The following NEBL variants were observed in gnomAD, a reference collection of about 807,000 sequenced individuals.
The protein encoded by NEBL is LIM and SH3 protein 2.
NEBL carries 122 observed loss-of-function variants against 140.2 expected under a neutral mutation model. The ratio of observed to expected loss-of-function variants is 0.87; its 90% CI spans 0.75 to 1.01. The LOEUF (loss-of-function observed/expected upper bound fraction) is 1.01. Ranked by LOEUF, NEBL falls within the 50% of genes least tolerant of loss-of-function variation. The probability of loss-of-function intolerance (pLI) is 0.00; values close to 1 mark genes in which losing one functional copy is unlikely to be tolerated. For synonymous variants in NEBL, 436 were observed against 398.9 expected (o/e 1.09, Z -1.11); for missense variants, 1,365 against 1,231.3 (o/e 1.11, Z -1.62).
chr10:20,903,465 T>C (rs1302326614), intron 4 of NEBL, among the ~76,000 whole-genome samples: 1 of 152,148 alleles, frequency 6.6e-6, no homozygotes, highest in East Asian at 1.9e-4. Flanking sequence ...GAAGCTTTTT[T>C]AAAGAACTAA....
chr10:21,028,944 C>A, intron 2 of NEBL: 1 of 525,830 alleles, frequency 1.9e-6, no homozygotes, highest in Non-Finnish European at 3.4e-6. Flanking sequence ...AATAGCTATA[C>A]TAATATGAGA....
At chr10:20,788,998 T>C (rs1331187997) in intron 26 of NEBL, among the ~76,000 whole-genome samples, 1 of 152,128 alleles carries the variant, frequency 6.6e-6, no homozygotes, top group Non-Finnish European at 1.5e-5. Flanking sequence ...TCACAAATGG[T>C]AACAATAATT....
At chr10:21,039,922 A>G (rs1184955444) in intron 2 of NEBL, among the ~76,000 whole-genome samples, 2 of 152,228 alleles carry the variant, frequency 1.3e-5, no homozygotes, top group African/African-American at 4.8e-5. Context: ...GAAGAATGGG[A>G]GGATGCAGTA....
chr10:21,068,405 C>G (rs1304103283), intron 2 of NEBL, among the ~76,000 whole-genome samples: 1 of 152,182 alleles, frequency 6.6e-6, no homozygotes, highest in South Asian at 2.1e-4. Context: ...TTTGTACTCT[C>G]CTGGCTACAG....
chr10:21,249,954 C>T (rs1842566305), intron 2 of NEBL, among the ~76,000 whole-genome samples: 1 of 151,960 alleles, frequency 6.6e-6, no homozygotes, highest in Admixed American at 6.6e-5. Context: ...ATCCCAGCTA[C>T]TTGGGAGGCT....
intron 3 of NEBL, among the ~76,000 whole-genome samples, chr10:21,191,282 T>A (rs2132216956): frequency 6.6e-6 from 1 of 152,248 alleles, no homozygotes; most frequent in South Asian, 2.1e-4. Context: ...TGACTATGCC[T>A]CACAATAACC....
chr10:20,938,548 G>A (rs1321079702), intron 4 of NEBL, among the ~76,000 whole-genome samples: 2 of 152,322 alleles, frequency 1.3e-5, no homozygotes, highest in South Asian at 4.1e-4. Flanking sequence ...TCCTTAAAAG[G>A]AATGCAGCTC....
At chr10:20,891,759 TC>T (rs1847058558) in intron 2 of NEBL, among the ~76,000 whole-genome samples, 1 of 152,122 alleles carries the variant, frequency 6.6e-6, no homozygotes, top group Non-Finnish European at 1.5e-5. Context: ...AAATTTAAGA[TC>T]CTTTACAATT....
At chr10:20,873,427 C>G (rs1845173776) in intron 5 of NEBL, among the ~76,000 whole-genome samples, 1 of 151,840 alleles carries the variant, frequency 6.6e-6, no homozygotes, top group African/African-American at 2.4e-5. Context: ...ATGTCTTGTT[C>G]CCTACTCTGT....
chr10:21,227,961 TACATTTACATTCTTAAAAGGCAGTTCC>T (rs1842194425), intron 3 of NEBL, among the ~76,000 whole-genome samples: 1 of 151,996 alleles, frequency 6.6e-6, no homozygotes, highest in Non-Finnish European at 1.5e-5. Context: ...AATAGATATT[TACATTTACATTCTTAAAAGGCAGTTCC>T]AAAATGGTCT....
intron 2 of NEBL, 80 bp downstream of exon 2, chr10:20,896,878 C>T (rs1588971400): frequency 1.7e-6 from 2 of 1,195,166 alleles, no homozygotes; most frequent in African/African-American, 3.0e-5. Context: ...CAGGGTTTCC[C>T]CCACAGCTCT....
chr10:20,897,618 G>T (rs1349643848), upstream of NEBL: 7 of 834,148 alleles, frequency 8.4e-6, no homozygotes, highest in Non-Finnish European at 1.0e-5. Flanking sequence ...ACAGTCCAAA[G>T]CCTGTTATCT....
At chr10:21,048,635 T>C (rs1248570742) in intron 2 of NEBL, among the ~76,000 whole-genome samples, 1 of 151,814 alleles carries the variant, frequency 6.6e-6, no homozygotes, top group Non-Finnish European at 1.5e-5. Flanking sequence ...CACATAATTG[T>C]GGGGGCTGGC....
At chr10:20,806,182 G>A (rs147257623) in intron 26 of NEBL, among the ~76,000 whole-genome samples, 432 of 152,272 alleles carry the variant, frequency 2.8e-3, no homozygotes, top group African/African-American at 8.2e-3. Context: ...TTACAGCCTT[G>A]GAGGAGAGAA....
intron 7 of NEBL, among the ~76,000 whole-genome samples, chr10:20,861,593 G>A (rs1490200461): frequency 6.6e-6 from 1 of 152,144 alleles, no homozygotes; most frequent in Non-Finnish European, 1.5e-5. Flanking sequence ...AAAGATGGTG[G>A]ACTCTTCAAC....
intron 2 of NEBL, among the ~76,000 whole-genome samples, chr10:21,116,248 T>C (rs1440384079): frequency 6.6e-6 from 1 of 152,168 alleles, no homozygotes; most frequent in Non-Finnish European, 1.5e-5. Context: ...TACCATTCTG[T>C]AGGTTGGAAG....
chr10:21,100,530 C>G (rs1008634008), intron 2 of NEBL, among the ~76,000 whole-genome samples: 1 of 152,110 alleles, frequency 6.6e-6, no homozygotes, highest in Non-Finnish European at 1.5e-5. Context: ...TCCCGTGAAC[C>G]CTGGGGGGCT....
intron 9 of NEBL, among the ~76,000 whole-genome samples, chr10:20,855,404 A>G (rs1381255518): frequency 6.6e-6 from 1 of 151,940 alleles, no homozygotes. Flanking sequence ...ACAAATACAT[A>G]TAAATATATG....
chr10:20,969,775 C>G (rs531593667), intron 3 of NEBL, among the ~76,000 whole-genome samples: 3 of 152,098 alleles, frequency 2.0e-5, no homozygotes, highest in Admixed American at 1.3e-4. Context: ...AAACTCCTGA[C>G]CTCAAGTGAT....
Sources: allele counts gnomAD v4.1 joint callset (sites outside exome capture counted in the v4.1 genomes callset), GRCh38; gene constraint gnomAD v4.1.1; transcripts MANE v1.5; gene names NCBI Gene and HGNC (gene_info 2026-07-23, HGNC 2026-07-21).